The following PPIP5K2 variants were observed in gnomAD, a reference collection of about 807,000 sequenced individuals.
PPIP5K2 encodes inositol hexakisphosphate and diphosphoinositol-pentakisphosphate kinase 2.
Under a neutral mutation model 154.6 loss-of-function variants are expected in PPIP5K2, and 105 were observed. The observed-to-expected ratio is 0.68, with a 90% CI of 0.58 to 0.80. The LOEUF is 0.80. Among genes scored for constraint, PPIP5K2 ranks in the 30% least tolerant of loss-of-function variants. PPIP5K2 has a pLI of 0.00. For missense variants in PPIP5K2, 992 were observed against 1,504.6 expected (o/e 0.66, Z 5.64); for synonymous variants, 480 against 490.3 (o/e 0.98, Z 0.28).
At chr5:103,173,077 A>C in intron 19 of PPIP5K2, 78 bp from the exon 20 acceptor site, 14 of 1,183,734 alleles carry the variant, frequency 1.2e-5, no homozygotes. Flanking sequence ...GTCTCTCACT[A>C]GACTAATTTA....
At position 103,152,724 on chromosome 5, in the gene PPIP5K2, A is replaced by T. The variant is rs1794817376; in HGVS notation, c.1105A>T (p.Ile369Phe). 2 of 1,581,008 alleles carry T rather than the reference A, an allele frequency of 1.3e-6. No homozygotes were observed. Among genetic ancestry groups the T allele is most frequent in the Non-Finnish European group, 1.7e-6 (2 of 1,150,858 alleles). ...SIPLEAEDIPIVPTTSGTMME... is the reference protein window; with the variant it reads ...SIPLEAEDIPFVPTTSGTMME... ...ACCCTTAGAAGCTGAAGATATCCCA[A>T]TTGTACCAACTACATCTGGAACTAT... is the stretch of plus-strand genomic sequence containing the variant. The change falls in exon 10 of 31, where the codon ATT becomes TTT. Residue 369 changes from isoleucine (I) to phenylalanine (F), a missense_variant. Ile to Phe is a conservative substitution (Grantham distance 21). Around this residue, in one of 9 missense-constraint regions of PPIP5K2, gnomAD observed 163 missense variants for 285.2 expected, o/e 0.57. Transcript: ENST00000358359.
At chr5:103,180,863 A>T (rs1327234878) in intron 24 of PPIP5K2, among the ~76,000 whole-genome samples, 2 of 151,664 alleles carry the variant, frequency 1.3e-5, no homozygotes, top group African/African-American at 4.8e-5. Context: ...AAAAAAAAAA[A>T]AAGTAGAGAA....
intron 3 of PPIP5K2, among the ~76,000 whole-genome samples, chr5:103,136,328 C>T (rs989767893): frequency 3.6e-4 from 55 of 152,222 alleles, no homozygotes; most frequent in African/African-American, 1.3e-3. Flanking sequence ...TGTGTGTAGG[C>T]ATCAAAATAT....
At chr5:103,172,534 A>G (rs1433138292) in intron 19 of PPIP5K2, among the ~76,000 whole-genome samples, 1 of 151,056 alleles carries the variant, frequency 6.6e-6, no homozygotes, top group African/African-American at 2.4e-5. Flanking sequence ...CTCCTCTTCT[A>G]CTGCTTTGAA....
At chr5:103,131,649 G>A (rs1413911777) in intron 2 of PPIP5K2, among the ~76,000 whole-genome samples, 2 of 152,052 alleles carry the variant, frequency 1.3e-5, no homozygotes, top group African/African-American at 4.8e-5. Flanking sequence ...TAGTTCATTT[G>A]ATGTATAGCT....
chr5:103,206,164 T>C lies in PPIP5K2; in HGVS notation c.*4530T>C, dbSNP rs1554232198. On this transcript the variant is annotated 3_prime_UTR_variant, in exon 31 of 31. Coordinates refer to ENST00000358359, the MANE Select transcript of PPIP5K2 (RefSeq NM_001276277.3). ...ATGTATTATTACACATTTCTGAAGG[T>C]CCAAAGGTGGGGTTGGCTTCAGCCA... The C allele has an allele frequency of 6.6e-6, 1 of 152,180 alleles. No individual in the cohort carries two copies. Among genetic ancestry groups the C allele is most frequent in the African/African-American group, 2.4e-5 (1 of 41,446 alleles). The allele number at this position is 152,180 out of a possible 1,614,324, so 9.4% of individuals were successfully genotyped here.
At chr5:103,137,798 C>T (rs1197875885) in intron 4 of PPIP5K2, among the ~76,000 whole-genome samples, 1 of 152,056 alleles carries the variant, frequency 6.6e-6, no homozygotes, top group African/African-American at 2.4e-5. Flanking sequence ...ATTTTCTCTA[C>T]ATTTACATAT....
At chr5:103,177,241 T>C in intron 21 of PPIP5K2, among the ~76,000 whole-genome samples, 1 of 151,992 alleles carries the variant, frequency 6.6e-6, no homozygotes, top group East Asian at 1.9e-4. Context: ...GAATATCTCT[T>C]ATCTGAAGTG....
At position 103,198,185 on chromosome 5, in the gene PPIP5K2, G is replaced by A. The variant is rs142654357; in HGVS notation, c.3619+3160G>A. 3.7e-3 allele frequency among the ~76,000 whole-genome samples: 556 copies of A among 151,738 alleles called. 4 individuals carry two copies. The highest frequency in any genetic ancestry group is 9.6e-3 in the Admixed American group (146 of 15,236). The stretch of plus-strand genomic sequence containing the variant: ...TATTGGTTAAATTCCAAATATTCAG[G>A]GTTTTTTTATTGTTTTTAATCAATT... On this transcript the variant is annotated intron_variant, in intron 30 of 30. Coordinates refer to ENST00000358359, the MANE Select transcript of PPIP5K2 (RefSeq NM_001276277.3).
intron 5 of PPIP5K2, among the ~76,000 whole-genome samples, chr5:103,145,768 T>C (rs1291903474): frequency 7.0e-6 from 1 of 142,920 alleles, no homozygotes; most frequent in African/African-American, 2.6e-5. Context: ...GGATAGTTAG[T>C]GAGTATAGCA....
At position 103,212,198 on chromosome 5, in the gene PPIP5K2, T is replaced by A. The variant is rs1803842929; in HGVS notation, c.*10564T>A. 6.6e-6 allele frequency: 1 copy of A among 152,112 alleles called. No individual in the cohort carries two copies. Among genetic ancestry groups the A allele is most frequent in the Non-Finnish European group, 1.5e-5 (1 of 67,970 alleles). The allele number at this position is 152,112 out of a possible 1,614,324, so 9.4% of individuals were successfully genotyped here. ...TCTTGACTGGACCACAAATATAAAA[T>A]CTCATGCCCTCTCATTATCTTGATA... On this transcript the variant is annotated 3_prime_UTR_variant, in exon 31 of 31. Transcript: ENST00000358359.
At chr5:103,130,202 A>G (rs868943798) in intron 2 of PPIP5K2, among the ~76,000 whole-genome samples, 3 of 152,232 alleles carry the variant, frequency 2.0e-5, no homozygotes, top group Middle Eastern at 3.4e-3. Context: ...CCTAAAAAGT[A>G]TCTATGTGTT....
rs782575461 is a variant in PPIP5K2, at chr5:103,129,640, T to C, written c.51T>C (p.Asn17=). The C allele has an allele frequency of 2.5e-6, 4 of 1,609,532 alleles. No homozygotes were observed. In the African/African-American group the frequency reaches 5.4e-5, roughly 22 times the overall value. Residue 17 remains asparagine, a synonymous_variant, in exon 2 of 31, where the codon AAT becomes AAC. Transcript: ENST00000358359. ...TTGGACCAGAAGATACAGAAATAAA[T>C]CCTGGAAATTATCGACATTTCTTCC... ...FFVGPEDTEI[N]PGNYRHFFHH...
intron 17 of PPIP5K2, among the ~76,000 whole-genome samples, chr5:103,159,590 T>C (rs1795913135): frequency 6.6e-6 from 1 of 152,164 alleles, no homozygotes; most frequent in African/African-American, 2.4e-5. Flanking sequence ...ACTTGAATAA[T>C]AAGTATAGTC....
At chr5:103,123,267 A>G (rs1323276356) in intron 1 of PPIP5K2, among the ~76,000 whole-genome samples, 2 of 152,252 alleles carry the variant, frequency 1.3e-5, no homozygotes, top group Admixed American at 1.3e-4. Flanking sequence ...GATGATGACT[A>G]GAGAGGTTCA....
chr5:103,170,027 C>G (rs1797736033), intron 19 of PPIP5K2, among the ~76,000 whole-genome samples: 1 of 151,518 alleles, frequency 6.6e-6, no homozygotes, highest in Non-Finnish European at 1.5e-5. Flanking sequence ...AATCTCACCC[C>G]TCTACTGTTT....
chr5:103,171,144 C>T (rs545253971), intron 19 of PPIP5K2, among the ~76,000 whole-genome samples: 15 of 151,420 alleles, frequency 9.9e-5, no homozygotes, highest in Non-Finnish European at 2.1e-4. Flanking sequence ...GTTATTTTAA[C>T]AGTTAAACTA....
In PPIP5K2 at chr5:103,210,464, C is replaced by G. The variant is rs1297591646; in HGVS notation, c.*8830C>G. ...CCTCTTCAGAAAAGAGCAAAGTTGT[C>G]TGCTCTAATGGATAGAATAAGGAGC... On this transcript the variant is annotated 3_prime_UTR_variant, in exon 31 of 31. Transcript: ENST00000358359. The G allele has an allele frequency of 2.2e-4, 33 of 152,004 alleles. No individual in the cohort carries two copies. The highest frequency in any genetic ancestry group is 2.2e-3 in the Admixed American group (33 of 15,246). The allele number at this position is 152,004 out of a possible 1,614,324, so 9.4% of individuals were successfully genotyped here. A position where few individuals can be genotyped will look rare whatever the true frequency, so the allele number is the denominator to read the frequency against.
At chr5:103,167,929 A>G in intron 18 of PPIP5K2, 143 bp from the exon 19 acceptor site, 2 of 515,912 alleles carry the variant, frequency 3.9e-6, no homozygotes, top group South Asian at 3.1e-5. Context: ...TATGGTTGCT[A>G]GTAGCGTATG....
Sources: gnomAD v4.1 joint callset for allele counts (sites outside exome capture counted in the v4.1 genomes callset) on GRCh38, gnomAD v4.1.1 for gene constraint, gnomAD v4.1.1 regional missense constraint, MANE v1.5 for transcripts, NCBI Gene and HGNC (gene_info 2026-07-23, HGNC 2026-07-21) for gene names.